The following PDE1C variants were observed in gnomAD, a reference collection of about 807,000 sequenced individuals.
PDE1C encodes phosphodiesterase 1C.
Under a neutral mutation model 93.1 loss-of-function variants are expected in PDE1C, and 62 were observed. The ratio of observed to expected loss-of-function variants is 0.67; its 90% CI spans 0.54 to 0.82. The LOEUF (loss-of-function observed/expected upper bound fraction) is 0.82. Among genes scored for constraint, PDE1C ranks in the 40% least tolerant of loss-of-function variants. PDE1C has a pLI of 0.00. For missense variants in PDE1C, 742 were observed against 884.6 expected (o/e 0.84, Z 2.04); for synonymous variants, 325 against 310.1 (o/e 1.05, Z -0.50).
At chr7:31,626,025 G>GA in the PDE1C span, among the ~76,000 whole-genome samples, 1 of 152,108 alleles carries the variant, frequency 6.6e-6, no homozygotes, top group Non-Finnish European at 1.5e-5. Flanking sequence ...CTAACTCTAT[G>GA]ATTTTTCCAG....
Position 31,891,561 on chromosome 7 carries a change from T to C in PDE1C, c.129-10701A>G, listed in dbSNP as rs184260907. On this transcript the variant is annotated intron_variant, in intron 2 of 17. Transcript: ENST00000396191. ...AATGAGACAGTTCTCATGGGAATTA[T>C]GTTGAGTGAAGAAAGCCAATCCCAA... 2.0e-5 allele frequency among the ~76,000 whole-genome samples: 3 copies of C among 152,270 alleles called. No homozygotes were observed. The East Asian group carries it at 5.8e-4, about 29-fold the overall frequency.
chr7:31,824,884 T>A lies in PDE1C; in HGVS notation c.1389A>T (p.Thr463=), dbSNP rs1789465920. The change falls in exon 13 of 18, where the codon ACA becomes ACT. Residue 463 remains threonine (T), a synonymous_variant. Coordinates refer to ENST00000396191, the MANE Select transcript of PDE1C (RefSeq NM_001191057.4). ...CCACTGACCTCGAACGCCTCTGTCC[T>A]GTCCCACCAGTTTGAGAGGTTTCAT... ...LIDETSQTGG[T]GQRRSSLNSI... 2 of 1,613,272 alleles carry A rather than the reference T, an allele frequency of 1.2e-6. No homozygotes were observed. The highest frequency in any genetic ancestry group is 1.7e-6 in the Non-Finnish European group (2 of 1,179,402).
At chr7:31,625,834 T>TTTTC in the PDE1C span, among the ~76,000 whole-genome samples, 1 of 152,190 alleles carries the variant, frequency 6.6e-6, no homozygotes, top group East Asian at 1.9e-4. Flanking sequence ...TTTTTAAATT[T>TTTTC]TTTCTTTATA....
At chr7:31,979,312 C>G (rs1812082846) in intron 2 of PDE1C, among the ~76,000 whole-genome samples, 1 of 152,102 alleles carries the variant, frequency 6.6e-6, no homozygotes, top group Non-Finnish European at 1.5e-5. Flanking sequence ...ACCAGTTATC[C>G]ATGCCATGGT....
intron 1 of PDE1C, among the ~76,000 whole-genome samples, chr7:32,272,640 A>C (rs1173224205): frequency 6.6e-6 from 1 of 152,186 alleles, no homozygotes; most frequent in Non-Finnish European, 1.5e-5. Context: ...AGACTAGCAA[A>C]CAGAATTCTA....
chr7:32,111,061 G>A (rs1305723627), intron 3 of PDE1C, among the ~76,000 whole-genome samples: 1 of 152,060 alleles, frequency 6.6e-6, no homozygotes, highest in Non-Finnish European at 1.5e-5. Context: ...GGCAAAACAG[G>A]GCTTCTGAGA....
At chr7:31,788,158 G>T (rs1370868580) in intron 16 of PDE1C, 1 of 152,020 alleles carries the variant, frequency 6.6e-6, no homozygotes, top group African/African-American at 2.4e-5. Context: ...GTTTCTTGTT[G>T]CTTGTTAGAT....
the PDE1C span, among the ~76,000 whole-genome samples, chr7:31,654,040 T>G: frequency 9.4e-6 from 1 of 105,962 alleles, no homozygotes. Context: ...AAGAGTTGGA[T>G]GAAGAGTAAG....
intron 1 of PDE1C, among the ~76,000 whole-genome samples, chr7:32,423,443 A>G (rs1046383802): frequency 3.0e-4 from 46 of 152,216 alleles, no homozygotes; most frequent in Admixed American, 2.5e-3. Flanking sequence ...CTTACCAGAA[A>G]GTCGAGAGGA....
intron 1 of PDE1C, among the ~76,000 whole-genome samples, chr7:32,067,990 C>T (rs1039604871): frequency 3.3e-5 from 5 of 152,164 alleles, no homozygotes; most frequent in Admixed American, 2.6e-4. Context: ...ACGGGCGATA[C>T]CAACAAGAAG....
At chr7:32,399,840 T>G (rs1784910438) in intron 1 of PDE1C, among the ~76,000 whole-genome samples, 1 of 152,012 alleles carries the variant, frequency 6.6e-6, no homozygotes, top group Non-Finnish European at 1.5e-5. Flanking sequence ...CATTTCGGCC[T>G]CTCAAAGTGC....
chr7:32,146,695 A>C (rs1800859137), intron 3 of PDE1C, among the ~76,000 whole-genome samples: 1 of 152,192 alleles, frequency 6.6e-6, no homozygotes, highest in Non-Finnish European at 1.5e-5. Context: ...GGGAGGAATT[A>C]TTGTGCCAAC....
At chr7:31,761,771 G>C (rs1185492930) in intron 17 of PDE1C, among the ~76,000 whole-genome samples, 2 of 152,124 alleles carry the variant, frequency 1.3e-5, no homozygotes, top group African/African-American at 4.8e-5. Context: ...CAAAACTACT[G>C]TCTTCATCTC....
chr7:31,962,266 C>T (rs1190897685), intron 2 of PDE1C, among the ~76,000 whole-genome samples: 1 of 152,156 alleles, frequency 6.6e-6, no homozygotes. Flanking sequence ...CTTAGAAGCA[C>T]CTAAGTGCTA....
rs76239028 is a variant in PDE1C, at chr7:31,983,407, A to G, written c.128+68147T>C. 2.0e-5 allele frequency among the ~76,000 whole-genome samples: 3 copies of G among 152,300 alleles called. No homozygotes were observed. The South Asian group carries it at 6.2e-4, about 32-fold the overall frequency. On this transcript the variant is annotated intron_variant, in intron 2 of 17. Transcript: ENST00000396191. ...CATATCCAGCCCTCATTTAAGATCAATTCATGGATGACTCCCTAAAACACC... is the reference window on the plus strand; with the variant it reads ...CATATCCAGCCCTCATTTAAGATCAGTTCATGGATGACTCCCTAAAACACC...
At chr7:31,772,045 C>CA (rs34055758) in intron 17 of PDE1C, among the ~76,000 whole-genome samples, 40,680 of 116,226 alleles carry the variant, frequency 0.35, 6,501 homozygotes, top group African/African-American at 0.42. Context: ...GACTCCGTCT[C>CA]AAAAAAAAAA....
intron 1 of PDE1C, among the ~76,000 whole-genome samples, chr7:32,059,329 C>A (rs1299602538): frequency 6.6e-6 from 1 of 152,086 alleles, no homozygotes; most frequent in Non-Finnish European, 1.5e-5. Context: ...GGAGCAAGTG[C>A]ATTTCTATCT....
rs377461728 is a variant in PDE1C, at chr7:31,971,064, C to T, written c.128+80490G>A. On this transcript the variant is annotated intron_variant, in intron 2 of 17. Transcript: ENST00000396191. ...GGCTGAGGTAGGAGAATCGCTTGAACCTGGGAAGCAGAGGTTGCAGTGAGC... is the reference window on the plus strand; with the variant it reads ...GGCTGAGGTAGGAGAATCGCTTGAATCTGGGAAGCAGAGGTTGCAGTGAGC... Among the ~76,000 whole-genome samples, 11 of 152,312 alleles carry T rather than the reference C, an allele frequency of 7.2e-5. 3 individuals carry two copies.
chr7:32,205,520 A>T (rs1044871338), intron 2 of PDE1C, among the ~76,000 whole-genome samples: 1 of 152,092 alleles, frequency 6.6e-6, no homozygotes, highest in African/African-American at 2.4e-5. Context: ...AGCACTCTGT[A>T]AAACGGACCA....
Sources: gnomAD v4.1 joint callset for allele counts (sites outside exome capture counted in the v4.1 genomes callset) on GRCh38, gnomAD v4.1.1 for gene constraint, MANE v1.5 for transcripts, NCBI Gene and HGNC (gene_info 2026-07-23, HGNC 2026-07-21) for gene names.